HTT: variants seen among roughly 807,000 people sequenced by gnomAD.
HTT encodes huntington disease protein.
In HTT, 104 loss-of-function variants were observed where a neutral mutation model predicts 362.3. That is an observed-to-expected ratio of 0.29 (90% CI 0.24 to 0.34). The LOEUF (loss-of-function observed/expected upper bound fraction) is 0.34, where lower values mean the gene tolerates loss of function less well. Among genes scored for constraint, HTT ranks in the 10% least tolerant of loss-of-function variants. HTT has a pLI of 1.00. For missense variants in HTT, 3,301 were observed against 3,928.6 expected (o/e 0.84, Z 4.27); for synonymous variants, 1,577 against 1,548.7 (o/e 1.02, Z -0.43).
rs78980659 is a variant in HTT, at chr4:3,198,133, A to C, written c.5369-1599A>C. On this transcript the variant is annotated intron_variant, in intron 40 of 66. Coordinates refer to ENST00000355072, the MANE Select transcript of HTT (RefSeq NM_001388492.1). ...GCTCGCTTCCTTGGTCTCAGGTTAT[A>C]GTTTAAGGCATTGTGGAGCCCTAAA... Among the ~76,000 whole-genome samples the C allele has an allele frequency of 2.5e-3, 364 of 148,510 alleles. No individual in the cohort carries two copies. The Middle Eastern group carries it at 0.039, about 16-fold the overall frequency.
intron 4 of HTT, among the ~76,000 whole-genome samples, chr4:3,104,345 C>T (rs1368380751): frequency 1.3e-5 from 2 of 151,964 alleles, no homozygotes; most frequent in South Asian, 2.1e-4. Context: ...CACAGTGGCT[C>T]ATGCCTGTAA....
At chr4:3,148,938 C>T (rs905864298) in intron 26 of HTT, among the ~76,000 whole-genome samples, 1 of 152,214 alleles carries the variant, frequency 6.6e-6, no homozygotes, top group African/African-American at 2.4e-5. Flanking sequence ...GCCTGGGTGA[C>T]AGAGTCAGAC....
chr4:3,186,457 G>C (rs1370225097), intron 37 of HTT, 140 bp from the exon 38 acceptor site: 3 of 880,930 alleles, frequency 3.4e-6, no homozygotes, highest in Non-Finnish European at 5.4e-6. Context: ...GTTCACCACT[G>C]AACTTAAAAT....
intron 1 of HTT, among the ~76,000 whole-genome samples, chr4:3,081,719 A>G (rs912179857): frequency 1.3e-5 from 2 of 150,952 alleles, no homozygotes; most frequent in Admixed American, 1.3e-4. Context: ...CACCACACCC[A>G]GCTAATTTTG....
intron 26 of HTT, among the ~76,000 whole-genome samples, chr4:3,152,137 C>T (rs978751070): frequency 7.3e-5 from 11 of 149,676 alleles, no homozygotes; most frequent in South Asian, 4.2e-4. Flanking sequence ...CTCAGCCTGT[C>T]GCCCAGGCTG....
At chr4:3,075,608 A>G (rs1172438887) in intron 1 of HTT, among the ~76,000 whole-genome samples, 4 of 123,440 alleles carry the variant, frequency 3.2e-5, no homozygotes. Flanking sequence ...GCAGTGGATG[A>G]CATAATGCTT....
rs769420203 is a variant in HTT, at chr4:3,224,092, G to A, written c.7726G>A (p.Ala2576Thr). The A allele has an allele frequency of 6.2e-6, 10 of 1,614,008 alleles. No homozygotes were observed. The highest frequency in any genetic ancestry group is 1.3e-5 in the African/African-American group (1 of 74,920). ...TATTGCCACCCATCATTTATATCAG[G>A]CATGGGATCCTGTCCCTTCTCTGTC... is the stretch of plus-strand genomic sequence containing the variant. ...ENIATHHLYQ[A>T]WDPVPSLSPA... Residue 2576 changes from alanine (A) to threonine (T), a missense_variant, in exon 56 of 67, where the codon GCA (alanine) becomes ACA (threonine). Physicochemically the swap from Ala to Thr is moderately conservative, Grantham distance 58. Transcript: ENST00000355072.
rs1400881602 is a variant in HTT at position 3,218,458 on chromosome 4, C to T, written c.7242+506C>T. Reference sequence around the variant, plus strand: ...GACCAGCCTGGCCAACATGGTGAAACCCCATCTCTACTAAAAATATAAAAA... The same window carrying T: ...GACCAGCCTGGCCAACATGGTGAAATCCCATCTCTACTAAAAATATAAAAA... On this transcript the variant is annotated intron_variant, in intron 52 of 66. Transcript: ENST00000355072. The surrounding 1 kb of genome is among the most constrained non-coding windows in gnomAD (Gnocchi z 4.4). Among the ~76,000 whole-genome samples the T allele has an allele frequency of 6.6e-6, 1 of 152,052 alleles. No individual in the cohort carries two copies. The highest frequency in any genetic ancestry group is 1.5e-5 in the Non-Finnish European group (1 of 68,012).
intron 40 of HTT, among the ~76,000 whole-genome samples, chr4:3,196,619 T>TC (rs1372045610): frequency 6.6e-6 from 1 of 151,586 alleles, no homozygotes. Flanking sequence ...ACACCTATAC[T>TC]CCCAGCTACT....
chr4:3,074,956 CGCCGCCGCCGCCTCCTCAGCTTCCTCA>C lies in HTT; in HGVS notation c.143_169del (p.Pro48_Pro56del). 3 of 1,469,546 alleles carry C rather than the reference CGCCGCCGCCGCCTCCTCAGCTTCCTCA, an allele frequency of 2.0e-6. No individual in the cohort carries two copies. Among genetic ancestry groups the C allele is most frequent in the South Asian group, 2.5e-5 (2 of 79,628 alleles). 91.0% of individuals were successfully genotyped at this position (1,469,546 alleles called of 1,614,324 possible). ...CAGCAACAGCCGCCACCGCCGCCGC[CGCCGCCGCCGCCTCCTCAGCTTCCTCA>C]GCCGCCGCCGCAGGCACAGCCGCTG... On this transcript the variant is annotated inframe_deletion, in exon 1 of 67. Transcript: ENST00000355072.
intron 41 of HTT, among the ~76,000 whole-genome samples, chr4:3,201,943 C>T (rs1719594861): frequency 6.6e-6 from 1 of 152,110 alleles, no homozygotes; most frequent in Admixed American, 6.5e-5. Flanking sequence ...TACTCTTGAC[C>T]CTCTCTCGGT....
chr4:3,214,468 AACATT>A (rs1720303248), intron 50 of HTT, among the ~76,000 whole-genome samples: 1 of 152,258 alleles, frequency 6.6e-6, no homozygotes, highest in Non-Finnish European at 1.5e-5. Flanking sequence ...TAAGATTAAT[AACATT>A]ACATTCAGAA....
intron 29 of HTT, among the ~76,000 whole-genome samples, chr4:3,169,727 C>G (rs927297099): frequency 6.6e-6 from 1 of 152,136 alleles, no homozygotes; most frequent in Non-Finnish European, 1.5e-5. Context: ...GCACGTGCCA[C>G]CACACCTGGC....
intron 2 of HTT, among the ~76,000 whole-genome samples, chr4:3,095,064 C>T (rs1002839039): frequency 6.6e-6 from 1 of 152,072 alleles, no homozygotes; most frequent in Non-Finnish European, 1.5e-5. Flanking sequence ...GGCAGAGGGG[C>T]TCCTCACATC....
chr4:3,096,545 A>G (rs1713867161), intron 2 of HTT, among the ~76,000 whole-genome samples: 1 of 152,214 alleles, frequency 6.6e-6, no homozygotes, highest in African/African-American at 2.4e-5. Context: ...ATTAAGTTGG[A>G]ATATATTATA....
At chr4:3,091,863 T>C (rs757136828) in intron 2 of HTT, among the ~76,000 whole-genome samples, 2 of 152,162 alleles carry the variant, frequency 1.3e-5, no homozygotes, top group Non-Finnish European at 2.9e-5. Flanking sequence ...AATATAAAGC[T>C]TTAGATTATT....
intron 2 of HTT, among the ~76,000 whole-genome samples, chr4:3,090,209 T>G (rs913485865): frequency 2.0e-5 from 3 of 152,234 alleles, no homozygotes; most frequent in Admixed American, 6.5e-5. Flanking sequence ...GGAAGTCATT[T>G]AAAACTTCAT....
intron 49 of HTT, chr4:3,212,938 A>G: frequency 1.9e-6 from 1 of 521,388 alleles, no homozygotes; most frequent in Middle Eastern, 5.1e-4. Context: ...TCCCCTTCTC[A>G]TCTGCACCTA....
In HTT at chr4:3,186,664, C is replaced by T; in HGVS notation, c.4934C>T (p.Ser1645Phe). ...TTATTTGAGATTTTGGCCCCTTCCT[C>T]CCTCCGTCCGGTAGACATGCTTTTA... ...NTLFEILAPSSLRPVDMLLRS... is the reference protein window; with the variant it reads ...NTLFEILAPSFLRPVDMLLRS... Residue 1645 changes from serine (S) to phenylalanine (F), a missense_variant, in exon 38 of 67, where the codon TCC (serine) becomes TTC (phenylalanine). Physicochemically the swap from Ser to Phe is radical, Grantham distance 155 (BLOSUM62 -2). Transcript: ENST00000355072. The T allele has an allele frequency of 6.2e-7, 1 of 1,613,320 alleles. No individual in the cohort carries two copies. The highest frequency in any genetic ancestry group is 8.5e-7 in the Non-Finnish European group (1 of 1,179,500).
Sources: gnomAD v4.1 joint callset for allele counts (sites outside exome capture counted in the v4.1 genomes callset) on GRCh38, gnomAD v4.1.1 for gene constraint, Gnocchi (gnomAD v3.1) non-coding constraint, MANE v1.5 for transcripts, NCBI Gene and HGNC (gene_info 2026-07-23, HGNC 2026-07-21) for gene names.